The following SLCO1A2 variants were observed in gnomAD, a reference collection of about 807,000 sequenced individuals.
The protein encoded by SLCO1A2 is solute carrier organic anion transporter family member 1A2, also known as OATP-1.
In SLCO1A2, 67 loss-of-function variants were observed where a neutral mutation model predicts 69.0. That is an observed-to-expected ratio of 0.97 (90% CI 0.80 to 1.19). The LOEUF is 1.19. SLCO1A2 is among the 50% of genes most tolerant of loss of function. The pLI is 0.00. For missense variants in SLCO1A2, 787 were observed against 793.7 expected (o/e 0.99, Z 0.10); for synonymous variants, 260 against 265.9 (o/e 0.98, Z 0.22).
chr12:21,291,979 G>C (rs989550798), intron 12 of SLCO1A2, among the ~76,000 whole-genome samples, 185 bp downstream of exon 12: 1 of 152,132 alleles, frequency 6.6e-6, no homozygotes. Context: ...AATGCCAGCA[G>C]ATGAACATGT....
chr12:21,285,878 T>C (rs1256106450), intron 12 of SLCO1A2, among the ~76,000 whole-genome samples: 3 of 152,016 alleles, frequency 2.0e-5, no homozygotes, highest in South Asian at 4.1e-4. Context: ...AAGAGCTGTC[T>C]ATGACAGACC....
At chr12:21,408,930 G>A (rs766224341) in intron 1 of SLCO1A2, among the ~76,000 whole-genome samples, 1 of 151,956 alleles carries the variant, frequency 6.6e-6, no homozygotes, top group Middle Eastern at 3.4e-3. Context: ...TTTAAAGGCT[G>A]GTAGAATAAA....
intron 2 of SLCO1A2, among the ~76,000 whole-genome samples, chr12:21,330,837 T>G (rs1033045543): frequency 6.6e-6 from 1 of 152,128 alleles, no homozygotes; most frequent in Non-Finnish European, 1.5e-5. Flanking sequence ...ACATAACATT[T>G]TAACAAATTC....
chr12:21,412,569 T>C (rs887870568), intron 1 of SLCO1A2, among the ~76,000 whole-genome samples: 7 of 152,120 alleles, frequency 4.6e-5, no homozygotes, highest in Non-Finnish European at 1.0e-4. Context: ...TTTTGTTAGG[T>C]TTTTAAAAGA....
At chr12:21,418,458 A>G (rs567127214), upstream of SLCO1A2, among the ~76,000 whole-genome samples, 7 of 152,300 alleles carry the variant, frequency 4.6e-5, no homozygotes, top group African/African-American at 1.7e-4. Flanking sequence ...GGTAGGTTAT[A>G]AAGAAAAAGA....
chr12:21,359,684 T>G (rs1278768250), intron 2 of SLCO1A2, among the ~76,000 whole-genome samples: 1 of 151,716 alleles, frequency 6.6e-6, no homozygotes, highest in African/African-American at 2.4e-5. Context: ...GAGGCAGAGC[T>G]TGCAGTGAGC....
chr12:21,405,116 T>C (rs1941801855), intron 1 of SLCO1A2, among the ~76,000 whole-genome samples: 1 of 151,596 alleles, frequency 6.6e-6, no homozygotes, highest in Non-Finnish European at 1.5e-5. Flanking sequence ...TTGTAGAGTC[T>C]GGATATTAGA....
chr12:21,331,533 A>C (rs1952617590), intron 2 of SLCO1A2, among the ~76,000 whole-genome samples: 1 of 152,066 alleles, frequency 6.6e-6, no homozygotes. Context: ...CCCCAACAAT[A>C]TGATTACTGA....
intron 12 of SLCO1A2, among the ~76,000 whole-genome samples, chr12:21,280,035 A>T (rs1944514422): frequency 6.6e-6 from 1 of 151,562 alleles, no homozygotes; most frequent in Non-Finnish European, 1.5e-5. Flanking sequence ...ATTATCACCT[A>T]AAAAAATGGG....
intron 2 of SLCO1A2, among the ~76,000 whole-genome samples, chr12:21,330,018 G>C (rs919527541): frequency 6.6e-6 from 1 of 151,940 alleles, no homozygotes; most frequent in African/African-American, 2.4e-5. Context: ...CCTTCAGTCT[G>C]AAAAGCACTT....
chr12:21,271,800 AAT>A (rs1190993631), intron 14 of SLCO1A2, among the ~76,000 whole-genome samples: 1 of 148,212 alleles, frequency 6.7e-6, no homozygotes, highest in African/African-American at 2.4e-5. Context: ...TATGTAAATA[AAT>A]ATGTATATAT....
chr12:21,419,412 A>C (rs776185185), upstream of SLCO1A2: 1 of 153,568 alleles, frequency 6.5e-6, no homozygotes, highest in Non-Finnish European at 1.4e-5. Flanking sequence ...CTTGGGAAGC[A>C]CAAGGGGTCA....
intron 2 of SLCO1A2, among the ~76,000 whole-genome samples, chr12:21,350,397 T>C (rs577584577): frequency 4.6e-5 from 7 of 151,966 alleles, no homozygotes; most frequent in Middle Eastern, 3.4e-3. Context: ...ACAATAAGAA[T>C]AAAATATGGT....
chr12:21,400,738 G>A (rs564652892), intron 1 of SLCO1A2, among the ~76,000 whole-genome samples: 3 of 149,356 alleles, frequency 2.0e-5, no homozygotes, highest in African/African-American at 4.9e-5. Context: ...GGACATGGAT[G>A]AAATTGGAAA....
chr12:21,371,687 G>A (rs562709155), intron 2 of SLCO1A2, among the ~76,000 whole-genome samples: 7 of 152,170 alleles, frequency 4.6e-5, no homozygotes, highest in Admixed American at 2.0e-4. Flanking sequence ...TAATAACTAA[G>A]ATACCAAATA....
At chr12:21,335,895 A>G (rs1322869939), upstream of SLCO1A2, among the ~76,000 whole-genome samples, 2 of 152,164 alleles carry the variant, frequency 1.3e-5, no homozygotes, top group African/African-American at 2.4e-5. Context: ...GTACGTGCCT[A>G]CAGAGAGTAT....
upstream of SLCO1A2, among the ~76,000 whole-genome samples, chr12:21,335,415 T>A (rs1031402742): frequency 7.2e-6 from 1 of 138,180 alleles, no homozygotes; most frequent in Non-Finnish European, 1.5e-5. Context: ...GAAATATATG[T>A]ACAGATGTAT....
At chr12:21,301,292 G>C (rs749256396) in intron 6 of SLCO1A2, 23 bp from the exon 7 acceptor site, 8 of 1,523,994 alleles carry the variant, frequency 5.2e-6, no homozygotes, top group South Asian at 3.4e-5. Context: ...AAAAGTATAA[G>C]GTTATAGTAC....
Position 21,295,672 on chromosome 12 carries a change from T to C in SLCO1A2, c.1196A>G (p.Tyr399Cys). The C allele has an allele frequency of 6.2e-7, 1 of 1,606,718 alleles. No individual in the cohort carries two copies. The highest frequency in any genetic ancestry group is 8.5e-7 in the Non-Finnish European group (1 of 1,173,654). ...HIGCWLSLLE[Y>C]LLYFLSFLMT... ...GAGAAAAGATAAAAAATAGAGAAGA[T>C]ACTCAAGTAAGGATAACCAACATCC... The change falls in exon 10 of 15, where the codon TAT becomes TGT. Residue 399 changes from tyrosine (Y) to cysteine (C), a missense_variant. Tyr to Cys is a radical substitution (Grantham distance 194). Coordinates refer to ENST00000683939, the MANE Select transcript of SLCO1A2 (RefSeq NM_001386879.1).
Sources: allele counts gnomAD v4.1 joint callset (sites outside exome capture counted in the v4.1 genomes callset), GRCh38; gene constraint gnomAD v4.1.1; transcripts MANE v1.5; gene names NCBI Gene and HGNC (gene_info 2026-07-23, HGNC 2026-07-21).